The following MYO19 variants were observed in gnomAD, a reference collection of about 807,000 sequenced individuals.
MYO19 encodes myosin XIX.
Under a neutral mutation model 129.2 loss-of-function variants are expected in MYO19, and 132 were observed. That is an observed-to-expected ratio of 1.02 (90% confidence interval 0.89 to 1.18). The LOEUF is 1.18. Ranked by LOEUF, MYO19 falls within the 50% of genes most tolerant of loss-of-function variation. MYO19 has a pLI of 0.00. For synonymous variants in MYO19, 531 were observed against 477.2 expected, an observed-to-expected ratio of 1.11 and a Z score of -1.47; for missense variants, 1,210 against 1,216.7, an observed-to-expected ratio of 0.99 and a Z score of 0.08.
intron 3 of MYO19, among the ~76,000 whole-genome samples, chr17:36,530,487 C>T (rs993024932): frequency 5.3e-5 from 6 of 113,426 alleles, no homozygotes; most frequent in South Asian, 6.1e-4. Context: ...GACGGAGTTT[C>T]GCTCTGTCGC....
upstream of MYO19, chr17:36,537,670 A>G (rs775382952): frequency 1.2e-6 from 2 of 1,614,136 alleles, no homozygotes; most frequent in Admixed American, 3.3e-5. Context: ...AGGAGAAAAT[A>G]TATGGAAGGG....
intron 10 of MYO19, 42 bp downstream of exon 10, chr17:36,513,587 G>A (rs1409450849): frequency 1.9e-6 from 3 of 1,613,730 alleles, no homozygotes. Flanking sequence ...GTGGGTGGGT[G>A]ATGCTGGGTC....
intron 5 of MYO19, among the ~76,000 whole-genome samples, chr17:36,525,715 T>A (rs1411209526): frequency 6.6e-6 from 1 of 152,184 alleles, no homozygotes; most frequent in Non-Finnish European, 1.5e-5. Context: ...ATAACCCTAT[T>A]TTATAGATAA....
intron 6 of MYO19, among the ~76,000 whole-genome samples, chr17:36,521,884 AGC>A (rs1236655418): frequency 1.3e-5 from 2 of 152,068 alleles, no homozygotes; most frequent in Non-Finnish European, 2.9e-5. Flanking sequence ...TACAAAAATT[AGC>A]TGGGTGTGGT....
intron 24 of MYO19, 84 bp from the exon 25 acceptor site, chr17:36,498,643 A>G: frequency 7.0e-7 from 1 of 1,428,744 alleles, no homozygotes; most frequent in South Asian, 1.4e-5. Flanking sequence ...TCTTTAACAA[A>G]TCATCTTAAC....
At chr17:36,515,522 T>G (rs1424087419) in intron 7 of MYO19, among the ~76,000 whole-genome samples, 1 of 152,186 alleles carries the variant, frequency 6.6e-6, no homozygotes, top group Non-Finnish European at 1.5e-5. Context: ...ACACAAACAC[T>G]AATCACCTTG....
upstream of MYO19, among the ~76,000 whole-genome samples, chr17:36,536,355 C>T (rs1161046195): frequency 2.0e-5 from 3 of 152,084 alleles, no homozygotes; most frequent in South Asian, 2.1e-4. Context: ...GTACTTGGCC[C>T]CTAGCGTTTG....
At chr17:36,526,235 T>C (rs148467275) in intron 5 of MYO19, among the ~76,000 whole-genome samples, 1 of 152,224 alleles carries the variant, frequency 6.6e-6, no homozygotes, top group Non-Finnish European at 1.5e-5. Flanking sequence ...ATTCGTCTAG[T>C]GGGTTCTGTT....
intron 11 of MYO19, chr17:36,513,183 G>A: frequency 2.8e-6 from 4 of 1,417,968 alleles, no homozygotes; most frequent in South Asian, 1.6e-5. Context: ...CTGCCCCCAT[G>A]GATCACTTAC....
rs771595631 is a variant in MYO19 at position 36,532,653 on chromosome 17, G to C, written c.-115C>G. Reference sequence around the variant, plus strand: ...GGTTCCAACAAAGGGCTCAGTTCTGGAGGAATCTCAGACAAGTCACTCCAG... The same window carrying C: ...GGTTCCAACAAAGGGCTCAGTTCTGCAGGAATCTCAGACAAGTCACTCCAG... On this transcript the variant is annotated 5_prime_UTR_variant, in exon 3 of 26. Transcript: ENST00000614623. 32 of 1,293,678 alleles carry C rather than the reference G, an allele frequency of 2.5e-5. No homozygotes were observed. The highest frequency in any genetic ancestry group is 3.4e-5 in the Non-Finnish European group (31 of 914,656). The allele number at this position is 1,293,678 out of a possible 1,614,324, so 80.1% of individuals were successfully genotyped here.
At chr17:36,510,175 G>A (rs1308929425) in intron 13 of MYO19, among the ~76,000 whole-genome samples, 1 of 152,238 alleles carries the variant, frequency 6.6e-6, no homozygotes, top group East Asian at 1.9e-4. Flanking sequence ...GCCTGCTGAA[G>A]AATCTCAGAA....
chr17:36,495,639 T>C lies in MYO19; in HGVS notation c.*612A>G. 1 of 1,289,514 alleles carries C rather than the reference T, an allele frequency of 7.8e-7. No individual in the cohort carries two copies. The highest frequency in any genetic ancestry group is 9.8e-7 in the Non-Finnish European group (1 of 1,021,932). The allele number at this position is 1,289,514 out of a possible 1,614,324, so 79.9% of individuals were successfully genotyped here. A position where few individuals can be genotyped will look rare whatever the true frequency, so the allele number is the denominator to read the frequency against. Reference sequence around the variant, plus strand: ...AGAAAACTTGACATTCAGATGATTGTTTTTAAATGTTTTACTTTTGGTACA... The same window carrying C: ...AGAAAACTTGACATTCAGATGATTGCTTTTAAATGTTTTACTTTTGGTACA... On this transcript the variant is annotated 3_prime_UTR_variant, in exon 26 of 26. Coordinates refer to ENST00000614623, the MANE Select transcript of MYO19 (RefSeq NM_001163735.2).
rs2071892595 is a variant in MYO19, at chr17:36,506,459, G to T, written c.1794C>A (p.Phe598Leu). Residue 598 changes from phenylalanine to leucine, a missense_variant, in exon 18 of 26, where the codon TTC becomes TTA. Phe to Leu is a conservative substitution (Grantham distance 22, BLOSUM62 0). Coordinates refer to ENST00000614623, the MANE Select transcript of MYO19 (RefSeq NM_001163735.2). ...RAPVLTVVSKFKASLEQLLQV... is the reference protein window; with the variant it reads ...RAPVLTVVSKLKASLEQLLQV... ...CCCATCAGCACATCAGACCCACCTT[G>T]AACTTGGACACCACGGTCAACACAG... 6.2e-7 allele frequency: 1 copy of T among 1,613,844 alleles called. No homozygotes were observed.
At chr17:36,540,114 A>C (rs2074189349) in intron 2 of MYO19, among the ~76,000 whole-genome samples, 1 of 152,174 alleles carries the variant, frequency 6.6e-6, no homozygotes, top group Non-Finnish European at 1.5e-5. Flanking sequence ...GGCAGGGGCC[A>C]CATCAGGCAT....
Position 36,501,284 on chromosome 17 carries a change from TCTGTGGC to T in MYO19, c.2081-56_2081-50del, listed in dbSNP as rs1407389510. The T allele has an allele frequency of 1.9e-6, 3 of 1,551,222 alleles. No individual in the cohort carries two copies. The African/African-American group carries it at 4.1e-5, about 21-fold the overall frequency. On this transcript the variant is annotated intron_variant, in intron 21 of 25. Coordinates refer to ENST00000614623, the MANE Select transcript of MYO19 (RefSeq NM_001163735.2). The stretch of plus-strand genomic sequence containing the variant: ...CAGTGCATGGTCATCTCTACATGCC[TCTGTGGC>T]CTGAAGAAACTGGCTTTGGCCTCCC...
intron 7 of MYO19, among the ~76,000 whole-genome samples, chr17:36,515,551 C>T (rs117749782): frequency 0.015 from 2,316 of 152,320 alleles, 33 homozygotes; most frequent in Admixed American, 0.051. Context: ...AACAAGTACC[C>T]TTCATTGAAC....
intron 14 of MYO19, chr17:36,508,185 G>A: frequency 3.1e-6 from 1 of 322,624 alleles, no homozygotes. Flanking sequence ...ACAGCCCAGA[G>A]CATCAGGCCC....
intron 14 of MYO19, 117 bp downstream of exon 14, chr17:36,508,945 C>CA (rs2072118016): frequency 9.4e-6 from 8 of 847,588 alleles, no homozygotes; most frequent in African/African-American, 1.7e-5. Context: ...CAAGAGGAGA[C>CA]AAAAAAGGGA....
At chr17:36,532,884 A>G in intron 2 of MYO19, among the ~76,000 whole-genome samples, 1 of 152,132 alleles carries the variant, frequency 6.6e-6, no homozygotes. Context: ...GGCCAGTTTT[A>G]TTACAGGGTT....
Sources: allele counts gnomAD v4.1 joint callset (sites outside exome capture counted in the v4.1 genomes callset), GRCh38; gene constraint gnomAD v4.1.1; transcripts MANE v1.5; gene names NCBI Gene and HGNC (gene_info 2026-07-23, HGNC 2026-07-21).